The following RABGAP1L variants were observed in gnomAD, a reference collection of about 807,000 sequenced individuals.
RABGAP1L encodes the protein RAB GTPase activating protein 1 like, also known as rab GTPase-activating protein 1-like.
A neutral mutation model predicts 137.7 loss-of-function variants in RABGAP1L; 63 were observed. That is an observed-to-expected ratio of 0.46 (90% CI 0.37 to 0.56). The LOEUF (loss-of-function observed/expected upper bound fraction) is 0.56. RABGAP1L is among the 20% of genes least tolerant of loss of function. The pLI is 0.00. For synonymous variants in RABGAP1L, 431 were observed against 433.7 expected, an observed-to-expected ratio of 0.99 and a Z score of 0.08; for missense variants, 1,095 against 1,244.0, an observed-to-expected ratio of 0.88 and a Z score of 1.80.
At chr1:174,960,559 C>T (rs901595736) in intron 20 of RABGAP1L, among the ~76,000 whole-genome samples, 2 of 151,924 alleles carry the variant, frequency 1.3e-5, no homozygotes, top group South Asian at 4.2e-4. Flanking sequence ...GATGATTGCA[C>T]AACTTTGTGA....
At position 174,265,877 on chromosome 1, in the gene RABGAP1L, G is replaced by A. The variant is rs561231814; in HGVS notation, c.987-6537G>A. ...TGTTAAATTCTCTGTACTGGTAGCAGCTCTATGGCAGTCCTAAGATCTATT... is the reference window on the plus strand; with the variant it reads ...TGTTAAATTCTCTGTACTGGTAGCAACTCTATGGCAGTCCTAAGATCTATT... On this transcript the variant is annotated intron_variant, in intron 7 of 25. Coordinates refer to ENST00000681986, the MANE Select transcript of RABGAP1L (RefSeq NM_001366446.1). Among the ~76,000 whole-genome samples the A allele has an allele frequency of 1.6e-4, 25 of 151,974 alleles. 1 individual carries two copies. In the South Asian group the frequency reaches 5.0e-3, roughly 30 times the overall value.
chr1:174,306,737 A>G (rs1421566445), intron 11 of RABGAP1L, among the ~76,000 whole-genome samples: 1 of 152,020 alleles, frequency 6.6e-6, no homozygotes, highest in South Asian at 2.1e-4. Flanking sequence ...TCTATTTACT[A>G]CATGGTTGCT....
chr1:174,606,311 G>A (rs1025831739), intron 13 of RABGAP1L, among the ~76,000 whole-genome samples: 2 of 152,150 alleles, frequency 1.3e-5, no homozygotes, highest in African/African-American at 2.4e-5. Flanking sequence ...ATTCATAGCT[G>A]TATATAAAGG....
At chr1:174,349,859 G>A (rs1247978831) in intron 11 of RABGAP1L, among the ~76,000 whole-genome samples, 5 of 138,114 alleles carry the variant, frequency 3.6e-5, no homozygotes, top group African/African-American at 5.4e-5. Flanking sequence ...CGGGCGGGGC[G>A]CTGACCCCCC....
At chr1:174,621,629 T>C (rs1363024707) in intron 13 of RABGAP1L, among the ~76,000 whole-genome samples, 35 of 152,084 alleles carry the variant, frequency 2.3e-4, no homozygotes, top group Middle Eastern at 3.4e-3. Flanking sequence ...ATAAATGGTG[T>C]TGGGAAAACT....
rs1446972208 is a variant in RABGAP1L at position 174,824,088 on chromosome 1, G to A, written c.2340+12128G>A. ...GTGGATCACCTAAGGTCAGGAGTTC[G>A]AGACCAGCTTGGCCAACAGGGTGAA... On this transcript the variant is annotated intron_variant, in intron 19 of 25. Coordinates refer to ENST00000681986, the MANE Select transcript of RABGAP1L (RefSeq NM_001366446.1). Among the ~76,000 whole-genome samples, 7 of 152,128 alleles carry A rather than the reference G, an allele frequency of 4.6e-5. No individual in the cohort carries two copies. In the South Asian group the frequency reaches 1.0e-3, roughly 23 times the overall value.
In RABGAP1L at chr1:174,364,755, G is replaced by A. The variant is rs6701911; in HGVS notation, c.1466-6224G>A. Among the ~76,000 whole-genome samples the A allele has an allele frequency of 3.3e-5, 5 of 151,958 alleles. No individual in the cohort carries two copies. In the South Asian group the frequency reaches 8.3e-4, roughly 25 times the overall value. Reference sequence around the variant, plus strand: ...GATTGTGCTGGGTCACCCCTGAAACGAGCATGTCTCAGAGCCCAAGGTCAA... The same window carrying A: ...GATTGTGCTGGGTCACCCCTGAAACAAGCATGTCTCAGAGCCCAAGGTCAA... On this transcript the variant is annotated intron_variant, in intron 11 of 25. Coordinates refer to ENST00000681986, the MANE Select transcript of RABGAP1L (RefSeq NM_001366446.1).
intron 13 of RABGAP1L, among the ~76,000 whole-genome samples, chr1:174,442,179 G>A (rs1012045807): frequency 6.6e-6 from 1 of 151,852 alleles, no homozygotes; most frequent in Non-Finnish European, 1.5e-5. Flanking sequence ...AGGAATGTGG[G>A]ACCTATCTAC....
intron 15 of RABGAP1L, among the ~76,000 whole-genome samples, chr1:174,685,672 T>A (rs1678408464): frequency 1.3e-5 from 2 of 151,834 alleles, no homozygotes; most frequent in Non-Finnish European, 2.9e-5. Flanking sequence ...CAAGTGATTC[T>A]CCTGCCTCAG....
intron 19 of RABGAP1L, among the ~76,000 whole-genome samples, chr1:174,848,511 C>A (rs1300858947): frequency 6.7e-6 from 1 of 149,442 alleles, no homozygotes; most frequent in Non-Finnish European, 1.5e-5. Context: ...TTTGCCCCTG[C>A]TGGGGGGTGC....
chr1:174,520,243 G>C (rs1246602346), intron 13 of RABGAP1L, among the ~76,000 whole-genome samples: 1 of 152,198 alleles, frequency 6.6e-6, no homozygotes. Context: ...TCTTGCTATA[G>C]ATTGCAAAGC....
intron 13 of RABGAP1L, among the ~76,000 whole-genome samples, chr1:174,582,834 T>A (rs921747670): frequency 2.6e-5 from 4 of 152,194 alleles, no homozygotes; most frequent in Non-Finnish European, 5.9e-5. Flanking sequence ...CTTTTTCCTT[T>A]AATCCAAGCA....
At chr1:174,840,970 A>C (rs945180583) in intron 19 of RABGAP1L, among the ~76,000 whole-genome samples, 1 of 152,172 alleles carries the variant, frequency 6.6e-6, no homozygotes, top group African/African-American at 2.4e-5. Context: ...AAAGTTTTAA[A>C]TAAGGCAATG....
intron 11 of RABGAP1L, among the ~76,000 whole-genome samples, chr1:174,330,989 C>T (rs143782196): frequency 1.1e-4 from 16 of 152,232 alleles, no homozygotes; most frequent in Middle Eastern, 3.4e-3. Context: ...AAAAAATAGA[C>T]GCATAGACCT....
Position 174,486,098 on chromosome 1 carries a change from C to T in RABGAP1L, c.1710+91953C>T, listed in dbSNP as rs189395337. ...TATCTAGGAATTTATACATTTCTTC[C>T]AGATTTCCTAATTTATTGAAATTAT... On this transcript the variant is annotated intron_variant, in intron 13 of 25. Transcript: ENST00000681986. Among the ~76,000 whole-genome samples, 299 of 152,030 alleles carry T rather than the reference C, an allele frequency of 2.0e-3. 1 individual carries two copies. The highest frequency in any genetic ancestry group is 6.8e-3 in the African/African-American group (283 of 41,464).
chr1:174,871,075 A>G (rs1652114318), intron 19 of RABGAP1L, among the ~76,000 whole-genome samples: 1 of 151,634 alleles, frequency 6.6e-6, no homozygotes, highest in South Asian at 2.1e-4. Context: ...ATTGTTATAG[A>G]TTATTTGTAT....
chr1:174,779,376 A>G (rs1178656413), intron 18 of RABGAP1L, among the ~76,000 whole-genome samples: 1 of 152,144 alleles, frequency 6.6e-6, no homozygotes, highest in African/African-American at 2.4e-5. Flanking sequence ...TCTTGTTGTT[A>G]TTTAGATGTT....
chr1:174,293,450 T>C (rs1449984509), intron 10 of RABGAP1L, among the ~76,000 whole-genome samples: 2 of 152,146 alleles, frequency 1.3e-5, no homozygotes, highest in South Asian at 2.1e-4. Context: ...GAATGAACAT[T>C]TGGTATTTTC....
intron 13 of RABGAP1L, among the ~76,000 whole-genome samples, chr1:174,458,177 C>A (rs1048436611): frequency 2.6e-5 from 4 of 152,048 alleles, no homozygotes; most frequent in Admixed American, 1.3e-4. Flanking sequence ...ATTGTAGATA[C>A]AATTTTACTG....
Sources: gnomAD v4.1 joint callset for allele counts (sites outside exome capture counted in the v4.1 genomes callset) on GRCh38, gnomAD v4.1.1 for gene constraint, MANE v1.5 for transcripts, NCBI Gene and HGNC (gene_info 2026-07-23, HGNC 2026-07-21) for gene names.